ANKRD26: variants seen among roughly 807,000 people sequenced by gnomAD.
ANKRD26 encodes ankyrin repeat domain-containing protein 26.
Under a neutral mutation model 208.7 loss-of-function variants are expected in ANKRD26, and 141 were observed. The ratio of observed to expected loss-of-function variants is 0.68; its 90% CI spans 0.59 to 0.78. ANKRD26 has a LOEUF of 0.78. ANKRD26 is among the 30% of genes least tolerant of loss of function. ANKRD26 has a pLI of 0.00. For missense variants in ANKRD26, 1,889 were observed against 1,938.7 expected, an observed-to-expected ratio of 0.97 and a Z score of 0.48; for synonymous variants, 636 against 660.4, an observed-to-expected ratio of 0.96 and a Z score of 0.57.
At chr10:27,019,490 G>A (rs2053416150) in intron 29 of ANKRD26, among the ~76,000 whole-genome samples, 1 of 152,050 alleles carries the variant, frequency 6.6e-6, no homozygotes, top group Non-Finnish European at 1.5e-5. Context: ...ACACATTAGT[G>A]CACAAACCAG....
chr10:26,982,453 C>T (rs970048804), intron 4 of ANKRD26, among the ~76,000 whole-genome samples: 1 of 151,942 alleles, frequency 6.6e-6, no homozygotes, highest in Non-Finnish European at 1.5e-5. Flanking sequence ...TTGGAGAAAG[C>T]ATTTTAAAAA....
chr10:27,075,351 A>G (rs540371502), intron 9 of ANKRD26, among the ~76,000 whole-genome samples: 1 of 152,182 alleles, frequency 6.6e-6, no homozygotes, highest in Non-Finnish European at 1.5e-5. Context: ...CAGGAGACAC[A>G]CCTATCATGT....
chr10:26,965,817 C>A, the ANKRD26 span, among the ~76,000 whole-genome samples: 15,141 of 151,740 alleles, frequency 0.1, 1,390 homozygotes, highest in East Asian at 0.48. Flanking sequence ...AAAAAGTGGG[C>A]AAAGGATATG....
intron 9 of ANKRD26, among the ~76,000 whole-genome samples, chr10:27,074,902 C>T (rs2055641373): frequency 6.6e-6 from 1 of 151,944 alleles, no homozygotes; most frequent in Non-Finnish European, 1.5e-5. Flanking sequence ...GAAACCTTAA[C>T]AAGCCAGGAG....
intron 16 of ANKRD26, chr10:27,051,813 C>T (rs2054671605): frequency 1.0e-6 from 1 of 985,352 alleles, no homozygotes; most frequent in Non-Finnish European, 1.2e-6. Context: ...TAAGTTTGTG[C>T]CTCCTTTAGA....
downstream of ANKRD26, among the ~76,000 whole-genome samples, chr10:26,972,127 C>T (rs534743089): frequency 1.3e-4 from 19 of 150,738 alleles, no homozygotes; most frequent in South Asian, 4.2e-4. Flanking sequence ...CCCAGCTACT[C>T]GGGAGGCTGA....
chr10:26,972,044 G>C (rs973921604), downstream of ANKRD26, among the ~76,000 whole-genome samples: 1 of 152,030 alleles, frequency 6.6e-6, no homozygotes, highest in Non-Finnish European at 1.5e-5. Context: ...GACCATCCTG[G>C]CTAACACGGT....
At chr10:27,025,562 T>A (rs1021793478) in intron 27 of ANKRD26, among the ~76,000 whole-genome samples, 1 of 152,204 alleles carries the variant, frequency 6.6e-6, no homozygotes, top group Non-Finnish European at 1.5e-5. Context: ...TTCAGTCTTA[T>A]AATTCTCATT....
intron 25 of ANKRD26, among the ~76,000 whole-genome samples, chr10:27,030,918 T>C (rs1354650452): frequency 6.6e-6 from 1 of 152,188 alleles, no homozygotes; most frequent in East Asian, 1.9e-4. Context: ...CAGATATTAT[T>C]CACCTCGTAG....
intron 32 of ANKRD26, among the ~76,000 whole-genome samples, chr10:27,010,795 A>G (rs940991572): frequency 6.6e-6 from 1 of 152,024 alleles, no homozygotes; most frequent in Non-Finnish European, 1.5e-5. Context: ...GGCATGAACC[A>G]TTGCACCCGG....
At chr10:27,066,657 T>C in intron 10 of ANKRD26, 109 bp from the exon 11 acceptor site, 1 of 697,514 alleles carries the variant, frequency 1.4e-6, no homozygotes, top group Non-Finnish European at 2.2e-6. Flanking sequence ...AATATTTCAA[T>C]AAAATAAAAA....
Position 27,012,688 on chromosome 10 carries a change from C to T in ANKRD26, c.4953+194G>A, listed in dbSNP as rs1441918745. ...ATTAGCTGGGTGTGGTGGCACACAC[C>T]TGTAATCCCAGCTATCTGAGAGGCT... On this transcript the variant is annotated intron_variant, in intron 32 of 33. Coordinates refer to ENST00000376087, the MANE Select transcript of ANKRD26 (RefSeq NM_014915.3). 2.6e-5 allele frequency among the ~76,000 whole-genome samples: 4 copies of T among 152,078 alleles called. No individual in the cohort carries two copies. The East Asian group carries it at 7.7e-4, about 29-fold the overall frequency.
At chr10:26,964,893 A>T in the ANKRD26 span, among the ~76,000 whole-genome samples, 2 of 152,230 alleles carry the variant, frequency 1.3e-5, no homozygotes, top group Non-Finnish European at 2.9e-5. Flanking sequence ...CAAATATACA[A>T]ATCTGAGATA....
chr10:27,022,756 ATAT>A (rs2053532488), intron 28 of ANKRD26, 69 bp from the exon 29 acceptor site: 18 of 1,398,744 alleles, frequency 1.3e-5, no homozygotes, highest in Admixed American at 1.9e-5. Context: ...ATTTAAACAG[ATAT>A]TATGTTTTAG....
chr10:26,964,918 G>C, the ANKRD26 span, among the ~76,000 whole-genome samples: 4 of 152,160 alleles, frequency 2.6e-5, no homozygotes, highest in South Asian at 8.3e-4. Context: ...TTGATAGTGA[G>C]CTTTCTTCAT....
At position 27,013,988 on chromosome 10, in the gene ANKRD26, T is replaced by C. The variant is rs578106736; in HGVS notation, c.4724+506A>G. Among the ~76,000 whole-genome samples the C allele has an allele frequency of 2.0e-3, 310 of 152,278 alleles. 1 individual carries two copies. The highest frequency in any genetic ancestry group is 7.2e-3 in the African/African-American group (298 of 41,554). ...ATTTCACTAGCATGCCTTTAAGTAG[T>C]AGAAAAACTATACAGGGTAGTTTGT... On this transcript the variant is annotated intron_variant, in intron 31 of 33. Coordinates refer to ENST00000376087, the MANE Select transcript of ANKRD26 (RefSeq NM_014915.3).
the ANKRD26 span, among the ~76,000 whole-genome samples, chr10:26,949,960 T>G: frequency 6.6e-6 from 1 of 152,230 alleles, no homozygotes. Flanking sequence ...TAGTTATGAT[T>G]GAAAAAACCA....
At chr10:27,085,923 C>A (rs1444598078) in intron 5 of ANKRD26, among the ~76,000 whole-genome samples, 1 of 151,932 alleles carries the variant, frequency 6.6e-6, no homozygotes, top group Non-Finnish European at 1.5e-5. Context: ...TTTTCTTAAT[C>A]ATAATTTCTT....
intron 9 of ANKRD26, among the ~76,000 whole-genome samples, chr10:27,071,159 ATTTTTTTTTT>A (rs71386906): frequency 1.2e-5 from 1 of 85,838 alleles, no homozygotes; most frequent in Admixed American, 1.5e-4. Context: ...TGCTACATTC[ATTTTTTTTTT>A]TTTTTTTTTT....
Sources: allele counts gnomAD v4.1 joint callset (sites outside exome capture counted in the v4.1 genomes callset), GRCh38; gene constraint gnomAD v4.1.1; transcripts MANE v1.5; gene names NCBI Gene and HGNC (gene_info 2026-07-23, HGNC 2026-07-21).